The following GNG7 variants were observed in gnomAD, a reference collection of about 807,000 sequenced individuals.
GNG7 encodes the protein G protein subunit gamma 7.
In GNG7, 1 loss-of-function variant was observed where a neutral mutation model predicts 4.0. That is an observed-to-expected ratio of 0.25 (90% CI 0.09 to 1.18). The LOEUF (loss-of-function observed/expected upper bound fraction) is 1.18, where lower values mean the gene tolerates loss of function less well. GNG7 is among the 50% of genes most tolerant of loss of function. The pLI, the probability that GNG7 is intolerant of heterozygous loss-of-function variation, is 0.50. For missense variants in GNG7, 86 were observed against 91.9 expected (o/e 0.94, Z 0.26); for synonymous variants, 34 against 36.9 (o/e 0.92, Z 0.29).
chr19:2,693,760 C>T (rs1416539072), intron 1 of GNG7, among the ~76,000 whole-genome samples: 1 of 152,076 alleles, frequency 6.6e-6, no homozygotes, highest in Non-Finnish European at 1.5e-5. Context: ...CCAGAATCAC[C>T]CCCAGGGACA....
chr19:2,683,040 G>A (rs1225704857), intron 1 of GNG7, among the ~76,000 whole-genome samples: 2 of 152,024 alleles, frequency 1.3e-5, no homozygotes, highest in Non-Finnish European at 2.9e-5. Flanking sequence ...AGACCAGCCT[G>A]GCCAACGTGG....
chr19:2,531,681 G>A (rs1210662132), intron 3 of GNG7, among the ~76,000 whole-genome samples: 2 of 151,256 alleles, frequency 1.3e-5, no homozygotes, highest in Non-Finnish European at 2.9e-5. Flanking sequence ...TGAGGCAGGA[G>A]AGTGGCATGA....
intron 2 of GNG7, among the ~76,000 whole-genome samples, chr19:2,562,441 G>A (rs1195636966): frequency 4.6e-5 from 7 of 151,962 alleles, no homozygotes; most frequent in East Asian, 3.9e-4. Context: ...GAGCCACCGC[G>A]CCCCGCTCCT....
intron 1 of GNG7, among the ~76,000 whole-genome samples, chr19:2,687,937 G>C (rs905579354): frequency 6.9e-6 from 1 of 144,024 alleles, no homozygotes; most frequent in African/African-American, 2.6e-5. Context: ...TCCAACCTGG[G>C]CAACAAGAAC....
intron 1 of GNG7, among the ~76,000 whole-genome samples, chr19:2,667,181 G>A (rs575581599): frequency 6.0e-4 from 92 of 152,144 alleles, no homozygotes; most frequent in African/African-American, 1.8e-3. Flanking sequence ...AAAATCAGCC[G>A]GGCAAGGTGC....
intron 2 of GNG7, among the ~76,000 whole-genome samples, chr19:2,579,737 G>A (rs1004274739): frequency 1.3e-5 from 2 of 152,184 alleles, no homozygotes; most frequent in South Asian, 2.1e-4. Flanking sequence ...GTTGCCAAAC[G>A]TGCAGACGAC....
At chr19:2,627,212 G>A (rs1037234541) in intron 2 of GNG7, among the ~76,000 whole-genome samples, 5 of 151,690 alleles carry the variant, frequency 3.3e-5, no homozygotes, top group Non-Finnish European at 5.9e-5. Context: ...GCTGGGTGAT[G>A]TCTGGGGATA....
intron 1 of GNG7, among the ~76,000 whole-genome samples, chr19:2,661,083 T>C (rs1207717950): frequency 6.6e-6 from 1 of 151,152 alleles, no homozygotes; most frequent in Admixed American, 6.6e-5. Flanking sequence ...TGGTGGTGCA[T>C]GCCTGTAATC....
At chr19:2,699,910 C>T (rs187851244) in intron 1 of GNG7, among the ~76,000 whole-genome samples, 2 of 152,188 alleles carry the variant, frequency 1.3e-5, no homozygotes, top group African/African-American at 4.8e-5. Flanking sequence ...ACGGGGTGCC[C>T]CTAATCAGAA....
chr19:2,601,267 CTGT>C (rs1182034606), intron 2 of GNG7, among the ~76,000 whole-genome samples: 1 of 152,134 alleles, frequency 6.6e-6, no homozygotes, highest in Non-Finnish European at 1.5e-5. Flanking sequence ...GCTGGGATGC[CTGT>C]TGTCCCTAAA....
At chr19:2,657,361 A>AAAAATATATAT (rs1555701153) in intron 1 of GNG7, among the ~76,000 whole-genome samples, 3 of 16,324 alleles carry the variant, frequency 1.8e-4, no homozygotes, top group African/African-American at 2.9e-4. Flanking sequence ...AAAAAAAAAA[A>AAAAATATATAT]ATATATATAT....
At chr19:2,527,275 C>A (rs989463435) in intron 3 of GNG7, among the ~76,000 whole-genome samples, 3 of 152,198 alleles carry the variant, frequency 2.0e-5, no homozygotes, top group Non-Finnish European at 4.4e-5. Context: ...CTATCAGAAC[C>A]GGGACCCTGA....
Position 2,512,904 on chromosome 19 carries a change from C to A in GNG7, c.*2118G>T. On this transcript the variant is annotated 3_prime_UTR_variant, in exon 5 of 5. Coordinates refer to ENST00000382159, the MANE Select transcript of GNG7 (RefSeq NM_052847.3). This position sits in a 1 kb window ranked among gnomAD's most constrained non-coding sequence, Gnocchi z 4.7. ...CCATTCCTGCTATGCGTGGTGGGGACGCCCACACCCCAAACCCTGCCGGCT... is the reference window on the plus strand; with the variant it reads ...CCATTCCTGCTATGCGTGGTGGGGAAGCCCACACCCCAAACCCTGCCGGCT... 8 of 985,160 alleles carry A rather than the reference C, an allele frequency of 8.1e-6. No homozygotes were observed. Among genetic ancestry groups the A allele is most frequent in the Non-Finnish European group, 8.4e-6 (7 of 829,690 alleles). 61.0% of individuals were successfully genotyped at this position (985,160 alleles called of 1,614,324 possible). A position where few individuals can be genotyped will look rare whatever the true frequency, so the allele number is the denominator to read the frequency against.
intron 2 of GNG7, among the ~76,000 whole-genome samples, chr19:2,578,070 T>C (rs1259264690): frequency 6.6e-6 from 1 of 151,908 alleles, no homozygotes; most frequent in African/African-American, 2.4e-5. Flanking sequence ...ACTCTTGGGC[T>C]CAAGTGATCC....
chr19:2,586,606 A>G (rs918303336), intron 2 of GNG7, among the ~76,000 whole-genome samples: 5 of 152,304 alleles, frequency 3.3e-5, no homozygotes, highest in African/African-American at 7.2e-5. Flanking sequence ...AAGGGCTCAA[A>G]TGAAAAAGAA....
chr19:2,524,494 G>C (rs1978333436), intron 3 of GNG7, among the ~76,000 whole-genome samples: 1 of 152,202 alleles, frequency 6.6e-6, no homozygotes, highest in South Asian at 2.1e-4. Context: ...GTGTATACTG[G>C]CATTCATGAG....
At position 2,609,254 on chromosome 19, in the gene GNG7, T is replaced by TA. The variant is rs1981488953; in HGVS notation, c.-78+36969dup. The stretch of plus-strand genomic sequence containing the variant: ...GTTGCCAAGGCTGGTCTTGAACTCC[T>TA]AGCCTCATGATCCTCCCACCTCAGT... On this transcript the variant is annotated intron_variant, in intron 2 of 4. Coordinates refer to ENST00000382159, the MANE Select transcript of GNG7 (RefSeq NM_052847.3). The surrounding 1 kb of genome is among the most constrained non-coding windows in gnomAD (Gnocchi z 4.4). Among the ~76,000 whole-genome samples, 1 of 152,118 alleles carries TA rather than the reference T, an allele frequency of 6.6e-6. No individual in the cohort carries two copies. Among genetic ancestry groups the TA allele is most frequent in the African/African-American group, 2.4e-5 (1 of 41,406 alleles).
intron 2 of GNG7, among the ~76,000 whole-genome samples, chr19:2,558,077 G>A (rs1979621571): frequency 6.6e-6 from 1 of 151,900 alleles, no homozygotes; most frequent in Non-Finnish European, 1.5e-5. Context: ...TCCTGACCTC[G>A]TGATCCGCCC....
In GNG7 at chr19:2,614,678, T is replaced by C. The variant is rs945388542; in HGVS notation, c.-78+31546A>G. ...TGTGTGGAGGGCCACGCTGTTTATCTATTTACCCACGGACGGACACTTGGG... is the reference window on the plus strand; with the variant it reads ...TGTGTGGAGGGCCACGCTGTTTATCCATTTACCCACGGACGGACACTTGGG... On this transcript the variant is annotated intron_variant, in intron 2 of 4. Transcript: ENST00000382159. This position sits in a 1 kb window ranked among gnomAD's most constrained non-coding sequence, Gnocchi z 6.0. Among the ~76,000 whole-genome samples the C allele has an allele frequency of 6.6e-6, 1 of 152,194 alleles. No homozygotes were observed. Among genetic ancestry groups the C allele is most frequent in the African/African-American group, 2.4e-5 (1 of 41,446 alleles).
Sources: allele counts gnomAD v4.1 joint callset (sites outside exome capture counted in the v4.1 genomes callset), GRCh38; gene constraint gnomAD v4.1.1; non-coding constraint Gnocchi (gnomAD v3.1); transcripts MANE v1.5; gene names NCBI Gene and HGNC (gene_info 2026-07-23, HGNC 2026-07-21).